The following OCA2 variants were observed in gnomAD, a reference collection of about 807,000 sequenced individuals.
OCA2 encodes the protein P protein.
A neutral mutation model predicts 100.2 loss-of-function variants in OCA2; 77 were observed. The observed-to-expected ratio is 0.77, with a 90% CI of 0.64 to 0.93. The LOEUF is 0.93. Among genes scored for constraint, OCA2 ranks in the 40% least tolerant of loss-of-function variants. The probability of loss-of-function intolerance (pLI) is 0.00; values close to 1 mark genes in which losing one functional copy is unlikely to be tolerated. For synonymous variants in OCA2, 432 were observed against 439.2 expected (o/e 0.98, Z 0.21); for missense variants, 1,062 against 1,089.1 (o/e 0.98, Z 0.35).
chr15:28,060,043 C>T (rs946099659), intron 2 of OCA2, among the ~76,000 whole-genome samples: 2 of 152,234 alleles, frequency 1.3e-5, no homozygotes, highest in Non-Finnish European at 2.9e-5. Context: ...TCATGCAACC[C>T]GCTGCTTCCA....
At chr15:27,966,945 C>T in intron 14 of OCA2, 123 bp from the exon 15 acceptor site, 1 of 1,079,424 alleles carries the variant, frequency 9.3e-7, no homozygotes, top group Admixed American at 2.0e-5. Flanking sequence ...CTGGCTAACA[C>T]AGTGAAAACC....
At chr15:27,989,750 A>C (rs535961458) in intron 10 of OCA2, 84 bp from the exon 11 acceptor site, 4 of 1,241,422 alleles carry the variant, frequency 3.2e-6, no homozygotes, top group African/African-American at 3.0e-5. Flanking sequence ...CCCCTGCTGC[A>C]GACCCACTCA....
At chr15:27,728,352 A>G in the OCA2 span, among the ~76,000 whole-genome samples, 1 of 152,096 alleles carries the variant, frequency 6.6e-6, no homozygotes, top group African/African-American at 2.4e-5. Context: ...AGAAAAAAAA[A>G]TCCTCTGTAG....
rs562448146 is a variant in OCA2, at chr15:28,043,412, C to G, written c.228-11249G>C. 5.8e-4 allele frequency among the ~76,000 whole-genome samples: 88 copies of G among 152,274 alleles called. 2 individuals are homozygous for G. The South Asian group carries it at 0.018, about 31-fold the overall frequency. On this transcript the variant is annotated intron_variant, in intron 2 of 23. Coordinates refer to ENST00000354638, the MANE Select transcript of OCA2 (RefSeq NM_000275.3). The surrounding 1 kb of genome is among the most constrained non-coding windows in gnomAD (Gnocchi z 4.4). ...TCCAGCTTGCTGTGAAGCTGGTGAT[C>G]GCTCAATAAATCTCCAAAAATCACA...
chr15:27,974,726 C>A (rs971127489), intron 14 of OCA2, among the ~76,000 whole-genome samples: 2 of 152,202 alleles, frequency 1.3e-5, no homozygotes, highest in Non-Finnish European at 2.9e-5. Flanking sequence ...CAAGATCACG[C>A]TACTGCACTC....
chr15:27,983,275 T>A, intron 14 of OCA2, 70 bp downstream of exon 14: 1 of 1,581,454 alleles, frequency 6.3e-7, no homozygotes, highest in Non-Finnish European at 8.7e-7. Context: ...AAGGCGTCCA[T>A]GTGGGGTAGA....
chr15:27,748,919 C>G, the OCA2 span, among the ~76,000 whole-genome samples: 1 of 151,170 alleles, frequency 6.6e-6, no homozygotes, highest in Non-Finnish European at 1.5e-5. Flanking sequence ...TGGGTCAGAT[C>G]AATAAAATTC....
chr15:27,951,795 T>C lies in OCA2; in HGVS notation c.1940A>G (p.His647Arg). 1.2e-6 allele frequency: 2 copies of C among 1,609,076 alleles called. No homozygotes were observed. The highest frequency in any genetic ancestry group is 2.2e-5 in the East Asian group (1 of 44,854). ...FFLNSFVPGI[H>R]LDLGWIAILG... ...TAAATTAGACTCACCAAGATCAAGATGAATGCCAGGGACAAACGAATTGAG... is the reference window on the plus strand; with the variant it reads ...TAAATTAGACTCACCAAGATCAAGACGAATGCCAGGGACAAACGAATTGAG... Residue 647 changes from histidine (H) to arginine (R), a missense_variant, in exon 18 of 24, where the codon CAT (histidine) becomes CGT (arginine). Physicochemically the swap from His to Arg is conservative, Grantham distance 29. Transcript: ENST00000354638.
chr15:28,032,914 A>G (rs2042950871), intron 2 of OCA2, among the ~76,000 whole-genome samples: 1 of 152,208 alleles, frequency 6.6e-6, no homozygotes, highest in Non-Finnish European at 1.5e-5. Context: ...AATGGCGTCC[A>G]TTGGAAGACC....
At chr15:28,061,835 T>G (rs2043882066) in intron 2 of OCA2, among the ~76,000 whole-genome samples, 1 of 152,224 alleles carries the variant, frequency 6.6e-6, no homozygotes, top group African/African-American at 2.4e-5. Context: ...TTATCGTTTT[T>G]TATATCTGGC....
chr15:27,901,790 C>G (rs1343021094), intron 19 of OCA2, among the ~76,000 whole-genome samples: 1 of 152,076 alleles, frequency 6.6e-6, no homozygotes, highest in East Asian at 1.9e-4. Flanking sequence ...CATGTAAGTC[C>G]CCAGACCTAA....
At chr15:27,834,928 C>T (rs1042604821) in intron 23 of OCA2, among the ~76,000 whole-genome samples, 1 of 152,146 alleles carries the variant, frequency 6.6e-6, no homozygotes, top group Non-Finnish European at 1.5e-5. Flanking sequence ...GACAATGCAC[C>T]ACGCTCATCT....
intron 23 of OCA2, among the ~76,000 whole-genome samples, chr15:27,797,656 G>A (rs774414847): frequency 2.0e-5 from 3 of 152,168 alleles, no homozygotes; most frequent in African/African-American, 7.2e-5. Flanking sequence ...AATTTGTTAC[G>A]TTTAGCCTGT....
At chr15:28,093,764 A>C (rs866938860) in intron 1 of OCA2, among the ~76,000 whole-genome samples, 14 of 152,288 alleles carry the variant, frequency 9.2e-5, no homozygotes, top group South Asian at 2.1e-4. Flanking sequence ...CCACAATCAA[A>C]AGGAACAGAC....
At chr15:27,799,163 G>C (rs930044579) in intron 23 of OCA2, among the ~76,000 whole-genome samples, 1 of 152,150 alleles carries the variant, frequency 6.6e-6, no homozygotes, top group East Asian at 1.9e-4. Flanking sequence ...GGAGACGATC[G>C]CTTCTGCATT....
At chr15:27,927,743 T>C (rs1272676801) in intron 18 of OCA2, among the ~76,000 whole-genome samples, 1 of 151,496 alleles carries the variant, frequency 6.6e-6, no homozygotes, top group East Asian at 2.0e-4. Context: ...CTTACTGTGG[T>C]TTCCAATTGC....
At chr15:27,960,438 G>A (rs1237762068) in intron 15 of OCA2, among the ~76,000 whole-genome samples, 1 of 152,196 alleles carries the variant, frequency 6.6e-6, no homozygotes, top group East Asian at 1.9e-4. Context: ...TGCTGGCACA[G>A]CTCTTGCCTT....
intron 14 of OCA2, among the ~76,000 whole-genome samples, chr15:27,978,671 TAGAG>T (rs1023100555): frequency 6.6e-6 from 1 of 151,194 alleles, no homozygotes; most frequent in Non-Finnish European, 1.5e-5. Context: ...TGTATATATA[TAGAG>T]AGAGAGAGAG....
chr15:27,987,820 A>C (rs914324957), intron 11 of OCA2, among the ~76,000 whole-genome samples: 1 of 152,184 alleles, frequency 6.6e-6, no homozygotes, highest in African/African-American at 2.4e-5. Context: ...ATACTTTGTC[A>C]GGTTATGAAA....
Sources: gnomAD v4.1 joint callset for allele counts (sites outside exome capture counted in the v4.1 genomes callset) on GRCh38, gnomAD v4.1.1 for gene constraint, Gnocchi (gnomAD v3.1) non-coding constraint, MANE v1.5 for transcripts, NCBI Gene and HGNC (gene_info 2026-07-23, HGNC 2026-07-21) for gene names.